Variants in SNTG1 observed in about 807,000 individuals in gnomAD.
SNTG1 encodes the protein gamma-1-syntrophin.
In SNTG1, 39 loss-of-function variants were observed where a neutral mutation model predicts 74.7. The ratio of observed to expected loss-of-function variants is 0.52; its 90% CI spans 0.40 to 0.68. SNTG1 has a LOEUF of 0.68. Ranked by LOEUF, SNTG1 falls within the 30% of genes least tolerant of loss-of-function variation. SNTG1 has a pLI of 0.00. For synonymous variants in SNTG1, 254 were observed against 217.1 expected, an observed-to-expected ratio of 1.17 and a Z score of -1.49; for missense variants, 685 against 609.5, an observed-to-expected ratio of 1.12 and a Z score of -1.30.
At position 50,776,416 on chromosome 8, in the gene SNTG1, A is replaced by G. The variant is rs187938524; in HGVS notation, c.1396-16255A>G. On this transcript the variant is annotated intron_variant, in intron 18 of 18. Transcript: ENST00000642720. ...TACATTTTATAATATATAATATATT[A>G]TAGCTTATAATATTTATATGTTATA... Among the ~76,000 whole-genome samples, 141 of 147,264 alleles carry G rather than the reference A, an allele frequency of 9.6e-4. 2 individuals are homozygous for G. The highest frequency in any genetic ancestry group is 8.5e-3 in the Admixed American group (125 of 14,654).
Position 50,410,855 on chromosome 8 carries a change from G to C in SNTG1, c.162+8511G>C, listed in dbSNP as rs531270683. Among the ~76,000 whole-genome samples, 236 of 152,082 alleles carry C rather than the reference G, an allele frequency of 1.6e-3. 2 individuals carry two copies. Among genetic ancestry groups the C allele is most frequent in the Middle Eastern group, 0.01 (3 of 292 alleles). On this transcript the variant is annotated intron_variant, in intron 4 of 18. Transcript: ENST00000642720. ...ACGGAAGGGTTCCCTTCTTTCCTCT[G>C]GCTGCATTATAGTCAACTGTGTATA...
At chr8:50,662,616 TAC>T (rs2095230083) in intron 15 of SNTG1, among the ~76,000 whole-genome samples, 1 of 152,210 alleles carries the variant, frequency 6.6e-6, no homozygotes, top group Admixed American at 6.5e-5. Context: ...CACATGATAC[TAC>T]ACTGTCTCTG....
At chr8:50,003,602 G>C (rs1814947447) in intron 1 of SNTG1, among the ~76,000 whole-genome samples, 1 of 152,110 alleles carries the variant, frequency 6.6e-6, no homozygotes, top group African/African-American at 2.4e-5. Context: ...AGATTACAGT[G>C]CGAAATTTAC....
At chr8:50,650,236 G>C (rs894659554) in intron 13 of SNTG1, among the ~76,000 whole-genome samples, 1 of 151,492 alleles carries the variant, frequency 6.6e-6, no homozygotes, top group Non-Finnish European at 1.5e-5. Context: ...TTTTTTCTTC[G>C]TTTTTTGAGT....
intron 12 of SNTG1, among the ~76,000 whole-genome samples, chr8:50,562,439 G>A (rs112970565): frequency 2.0e-5 from 3 of 152,310 alleles, no homozygotes; most frequent in African/African-American, 4.8e-5. Context: ...TGAAGATGGA[G>A]AAGGGAATGC....
chr8:50,134,522 CT>C (rs201512858), intron 1 of SNTG1, among the ~76,000 whole-genome samples: 35 of 151,972 alleles, frequency 2.3e-4, no homozygotes, highest in African/African-American at 8.2e-4. Context: ...TATGGGAAAG[CT>C]TTTTTTTAAA....
intron 2 of SNTG1, among the ~76,000 whole-genome samples, chr8:50,269,745 A>G (rs879501223): frequency 6.6e-6 from 1 of 152,154 alleles, no homozygotes; most frequent in Non-Finnish European, 1.5e-5. Context: ...TAAAGAGAAA[A>G]AAAACAGAGT....
In SNTG1 at chr8:50,413,986, T is replaced by G. The variant is rs118023276; in HGVS notation, c.162+11642T>G. 2.1e-3 allele frequency among the ~76,000 whole-genome samples: 326 copies of G among 152,334 alleles called. 1 individual carries two copies. The highest frequency in any genetic ancestry group is 4.0e-3 in the Non-Finnish European group (270 of 68,030). On this transcript the variant is annotated intron_variant, in intron 4 of 18. Transcript: ENST00000642720. Reference sequence around the variant, plus strand: ...TTTGATATCTCCTTTCTATCAATATTAATCTTGTTAGACAATCCTATTTAT... The same window carrying G: ...TTTGATATCTCCTTTCTATCAATATGAATCTTGTTAGACAATCCTATTTAT...
chr8:50,671,456 C>T (rs1206550862), intron 15 of SNTG1, among the ~76,000 whole-genome samples: 1 of 152,156 alleles, frequency 6.6e-6, no homozygotes, highest in African/African-American at 2.4e-5. Flanking sequence ...CTCATCATCA[C>T]TGGCCATCAG....
chr8:50,296,022 G>A (rs933239592), intron 2 of SNTG1, among the ~76,000 whole-genome samples: 1 of 152,116 alleles, frequency 6.6e-6, no homozygotes. Context: ...ATGTTAAAGT[G>A]TTTAGGAAGA....
At chr8:50,276,753 TAA>T (rs149143427) in intron 2 of SNTG1, among the ~76,000 whole-genome samples, 2,643 of 152,256 alleles carry the variant, frequency 0.017, 160 homozygotes, top group South Asian at 0.16. Context: ...TAAATTAAAA[TAA>T]GTTTGTCTTA....
chr8:49,917,542 T>C (rs1585491029), intron 1 of SNTG1, among the ~76,000 whole-genome samples: 1 of 152,150 alleles, frequency 6.6e-6, no homozygotes, highest in East Asian at 1.9e-4. Context: ...GGCTAGTACA[T>C]TGACCGGGAT....
chr8:50,745,962 C>A (rs1453697606), intron 17 of SNTG1, among the ~76,000 whole-genome samples: 2 of 151,830 alleles, frequency 1.3e-5, no homozygotes, highest in African/African-American at 2.4e-5. Context: ...AATGATTACA[C>A]AACATTGTGA....
At chr8:50,007,496 G>C (rs1815352388) in intron 1 of SNTG1, among the ~76,000 whole-genome samples, 1 of 152,084 alleles carries the variant, frequency 6.6e-6, no homozygotes, top group Admixed American at 6.6e-5. Context: ...ATTAACTGGA[G>C]GGGAAAATAA....
In SNTG1 at chr8:50,022,599, G is replaced by A. The variant is rs76601461; in HGVS notation, c.-103+110368G>A. On this transcript the variant is annotated intron_variant, in intron 1 of 18. Coordinates refer to ENST00000642720, the MANE Select transcript of SNTG1 (RefSeq NM_018967.5). ...AAATTTGTAATAAATTAAATTGGAT[G>A]AAAGTGGATTTAATTAAGTGGAATA... 3.5e-3 allele frequency among the ~76,000 whole-genome samples: 533 copies of A among 152,312 alleles called. 2 individuals carry two copies. The highest frequency in any genetic ancestry group is 0.012 in the African/African-American group (507 of 41,580).
intron 8 of SNTG1, among the ~76,000 whole-genome samples, chr8:50,459,604 G>C (rs1441323833): frequency 6.6e-6 from 1 of 151,948 alleles, no homozygotes; most frequent in African/African-American, 2.4e-5. Context: ...CTGAGGTTTT[G>C]GGTATGAAAG....
chr8:50,058,786 T>C (rs1820239179), intron 1 of SNTG1, among the ~76,000 whole-genome samples: 1 of 151,816 alleles, frequency 6.6e-6, no homozygotes, highest in East Asian at 1.9e-4. Context: ...TGCCATGCAA[T>C]TTTATCACAG....
rs368771784 is a variant in SNTG1 at position 50,604,430 on chromosome 8, A to G, written c.849+13513A>G. 9.1e-3 allele frequency among the ~76,000 whole-genome samples: 1,222 copies of G among 133,630 alleles called. 14 individuals carry two copies. The highest frequency in any genetic ancestry group is 0.042 in the African/African-American group (1,110 of 26,260). The allele number at this position is 133,630 out of a possible 152,430, so 87.7% of individuals were successfully genotyped here. Reference sequence around the variant, plus strand: ...GACCCTCTTTCAAAAAAGAAAGAAAAAAAAAAAGAAAACCTTAGAAATATA... The same window carrying G: ...GACCCTCTTTCAAAAAAGAAAGAAAGAAAAAAAGAAAACCTTAGAAATATA... On this transcript the variant is annotated intron_variant, in intron 13 of 18. Coordinates refer to ENST00000642720, the MANE Select transcript of SNTG1 (RefSeq NM_018967.5).
intron 15 of SNTG1, among the ~76,000 whole-genome samples, chr8:50,669,317 G>A (rs1007603058): frequency 2.0e-5 from 3 of 152,062 alleles, no homozygotes; most frequent in South Asian, 4.2e-4. Flanking sequence ...AGAAAAAAGA[G>A]AGAAGAATCA....
Sources: gnomAD v4.1 joint callset for allele counts (sites outside exome capture counted in the v4.1 genomes callset) on GRCh38, gnomAD v4.1.1 for gene constraint, MANE v1.5 for transcripts, NCBI Gene and HGNC (gene_info 2026-07-23, HGNC 2026-07-21) for gene names.